Variants in L3MBTL4 observed in about 807,000 individuals in gnomAD.
L3MBTL4 encodes lethal(3)malignant brain tumor-like protein 4.
In L3MBTL4, 70 loss-of-function variants were observed where a neutral mutation model predicts 84.5. That is an observed-to-expected ratio of 0.83 (90% confidence interval 0.68 to 1.01). L3MBTL4 has a LOEUF of 1.01. L3MBTL4 is among the 50% of genes least tolerant of loss of function. L3MBTL4 has a pLI of 0.00. For synonymous variants in L3MBTL4, 274 were observed against 259.8 expected, an observed-to-expected ratio of 1.05 and a Z score of -0.52; for missense variants, 715 against 754.8, an observed-to-expected ratio of 0.95 and a Z score of 0.62.
intron 17 of L3MBTL4, among the ~76,000 whole-genome samples, chr18:5,964,763 G>C (rs1163206308): frequency 1.3e-5 from 2 of 152,106 alleles, no homozygotes; most frequent in Non-Finnish European, 2.9e-5. Flanking sequence ...TACCTAGGGG[G>C]GTAAATGTGC....
At chr18:5,998,062 C>A (rs1485542262) in intron 16 of L3MBTL4, among the ~76,000 whole-genome samples, 2 of 152,164 alleles carry the variant, frequency 1.3e-5, no homozygotes, top group Non-Finnish European at 2.9e-5. Context: ...ACCATAGATA[C>A]AAAACAGCAG....
intron 16 of L3MBTL4, among the ~76,000 whole-genome samples, chr18:5,980,244 A>G (rs1341921682): frequency 2.0e-5 from 3 of 152,150 alleles, no homozygotes; most frequent in African/African-American, 7.2e-5. Context: ...CCCTGCAGAC[A>G]GCTCTTCCTG....
chr18:6,183,399 C>T (rs780493246), intron 12 of L3MBTL4, among the ~76,000 whole-genome samples: 1 of 152,220 alleles, frequency 6.6e-6, no homozygotes, highest in Non-Finnish European at 1.5e-5. Flanking sequence ...CCGTGGCCGA[C>T]GCTGCGCCTT....
intron 12 of L3MBTL4, among the ~76,000 whole-genome samples, chr18:6,203,772 G>A (rs1315756059): frequency 6.6e-6 from 1 of 152,128 alleles, no homozygotes; most frequent in Admixed American, 6.5e-5. Context: ...GGAATCTGGG[G>A]TGCTGACCCA....
chr18:6,168,754 G>A (rs1340058852), intron 13 of L3MBTL4, among the ~76,000 whole-genome samples: 2 of 151,316 alleles, frequency 1.3e-5, no homozygotes, highest in Non-Finnish European at 2.9e-5. Flanking sequence ...TACCATTCAG[G>A]ACATAGGCAT....
At chr18:6,327,311 C>A (rs1394605208) in intron 1 of L3MBTL4, among the ~76,000 whole-genome samples, 1 of 152,054 alleles carries the variant, frequency 6.6e-6, no homozygotes, top group Non-Finnish European at 1.5e-5. Context: ...GCAAAAGGTA[C>A]AATGTTTATC....
intron 14 of L3MBTL4, among the ~76,000 whole-genome samples, chr18:6,094,559 A>T (rs2058569007): frequency 6.6e-6 from 1 of 152,168 alleles, no homozygotes; most frequent in Non-Finnish European, 1.5e-5. Context: ...ATACATCAAT[A>T]TCGAGGCAGT....
At chr18:6,115,357 G>A (rs2059325872) in intron 14 of L3MBTL4, among the ~76,000 whole-genome samples, 1 of 152,176 alleles carries the variant, frequency 6.6e-6, no homozygotes, top group African/African-American at 2.4e-5. Flanking sequence ...GCGATGAAGA[G>A]GCAAATCTGG....
At chr18:6,266,166 T>C (rs2048623326) in intron 4 of L3MBTL4, among the ~76,000 whole-genome samples, 1 of 152,222 alleles carries the variant, frequency 6.6e-6, no homozygotes, top group African/African-American at 2.4e-5. Flanking sequence ...TTTATTCACA[T>C]ATTTATACAG....
At chr18:6,353,595 C>T (rs440414) in intron 1 of L3MBTL4, among the ~76,000 whole-genome samples, 8,740 of 152,066 alleles carry the variant, frequency 0.057, 317 homozygotes, top group East Asian at 0.1. Context: ...AGTAAAGTTG[C>T]AGGATACTAA....
intron 13 of L3MBTL4, among the ~76,000 whole-genome samples, chr18:6,163,784 C>T (rs950380588): frequency 5.3e-5 from 8 of 152,182 alleles, no homozygotes; most frequent in Non-Finnish European, 1.2e-4. Flanking sequence ...TTCTGCATTT[C>T]CAACTGAGGT....
intron 14 of L3MBTL4, among the ~76,000 whole-genome samples, chr18:6,122,349 A>G (rs541633626): frequency 2.2e-4 from 33 of 152,296 alleles, no homozygotes; most frequent in African/African-American, 7.2e-4. Flanking sequence ...ACTTGATATG[A>G]TTTGGCTGTG....
At chr18:6,017,725 C>T (rs1024964076) in intron 16 of L3MBTL4, 2 of 152,156 alleles carry the variant, frequency 1.3e-5, no homozygotes, top group Admixed American at 1.3e-4. Flanking sequence ...TTTCATTTAG[C>T]CCTGCCTAAG....
rs116130268 is a variant in L3MBTL4, at chr18:5,999,778, G to A, written c.1445-30216C>T. Among the ~76,000 whole-genome samples the A allele has an allele frequency of 6.8e-3, 1,039 of 152,324 alleles. 13 individuals carry two copies. The highest frequency in any genetic ancestry group is 0.024 in the African/African-American group (991 of 41,564). ...AGAAAAGAAGGGCTGAGTGGTGGCCGATCTCCTGGGTGGCCACTGCCAGAA... is the reference window on the plus strand; with the variant it reads ...AGAAAAGAAGGGCTGAGTGGTGGCCAATCTCCTGGGTGGCCACTGCCAGAA... On this transcript the variant is annotated intron_variant, in intron 16 of 18. Transcript: ENST00000317931.
At chr18:6,120,512 C>CT (rs1270544046) in intron 14 of L3MBTL4, among the ~76,000 whole-genome samples, 1 of 152,172 alleles carries the variant, frequency 6.6e-6, no homozygotes, top group Non-Finnish European at 1.5e-5. Flanking sequence ...TGAAGTAGAA[C>CT]TTTATATAGA....
chr18:6,185,255 G>A (rs1485280979), intron 12 of L3MBTL4, among the ~76,000 whole-genome samples: 1 of 152,198 alleles, frequency 6.6e-6, no homozygotes, highest in East Asian at 1.9e-4. Flanking sequence ...ATGCTGACAC[G>A]TGCTGACAAA....
chr18:6,384,908 G>C (rs574880935), intron 1 of L3MBTL4, among the ~76,000 whole-genome samples: 3 of 152,188 alleles, frequency 2.0e-5, no homozygotes, highest in Non-Finnish European at 2.9e-5. Flanking sequence ...ACAACTCGTA[G>C]AGACATACCT....
At chr18:6,395,012 G>C (rs1437731432) in intron 1 of L3MBTL4, 2 of 152,100 alleles carry the variant, frequency 1.3e-5, no homozygotes, top group African/African-American at 4.8e-5. Context: ...ACATGTAGAT[G>C]TCTTTCCCCA....
At chr18:6,067,242 T>G (rs1179797816) in intron 16 of L3MBTL4, among the ~76,000 whole-genome samples, 2 of 152,184 alleles carry the variant, frequency 1.3e-5, no homozygotes, top group African/African-American at 4.8e-5. Flanking sequence ...CATTCCTTCA[T>G]GTAGACTTTA....
Sources: allele counts gnomAD v4.1 joint callset (sites outside exome capture counted in the v4.1 genomes callset), GRCh38; gene constraint gnomAD v4.1.1; transcripts MANE v1.5; gene names NCBI Gene and HGNC (gene_info 2026-07-23, HGNC 2026-07-21).